The following NRCAM variants were observed in gnomAD, a reference collection of about 807,000 sequenced individuals.
NRCAM encodes NgCAM-related cell adhesion molecule.
In NRCAM, 83 loss-of-function variants were observed where a neutral mutation model predicts 156.5. That is an observed-to-expected ratio of 0.53 (90% CI 0.44 to 0.64). NRCAM has a LOEUF of 0.64. NRCAM is among the 30% of genes least tolerant of loss of function. NRCAM has a pLI of 0.00. For missense variants in NRCAM, 1,417 were observed against 1,597.3 expected (o/e 0.89, Z 1.92); for synonymous variants, 538 against 563.9 (o/e 0.95, Z 0.65).
rs373665524 is a variant in NRCAM at position 108,446,370 on chromosome 7, G to A, written c.-332+9873C>T. On this transcript the variant is annotated intron_variant, in intron 1 of 32. Coordinates refer to ENST00000379028, the MANE Select transcript of NRCAM (RefSeq NM_001037132.4). ...ATCTATGTCTTCAAACCAGGGCTGA[G>A]AACAAAACCCCCCAATTTTCCCCAA... Among the ~76,000 whole-genome samples the A allele has an allele frequency of 3.9e-5, 6 of 152,222 alleles. No homozygotes were observed. In the South Asian group the frequency reaches 1.0e-3, roughly 26 times the overall value.
At chr7:108,213,294 T>C (rs1430217399) in intron 11 of NRCAM, among the ~76,000 whole-genome samples, 1 of 152,078 alleles carries the variant, frequency 6.6e-6, no homozygotes, top group Non-Finnish European at 1.5e-5. Context: ...CAGAACCTCT[T>C]TAAAGCATAA....
Position 108,191,826 on chromosome 7 carries a change from C to T in NRCAM, c.1806G>A (p.Val602=), listed in dbSNP as rs1373182238. 1 of 1,613,592 alleles carries T rather than the reference C, an allele frequency of 6.2e-7. No individual in the cohort carries two copies. The highest frequency in any genetic ancestry group is 1.7e-5 in the Admixed American group (1 of 60,016). Residue 602 remains valine (V), a synonymous_variant, in exon 18 of 33, where the codon GTG becomes GTA. Coordinates refer to ENST00000379028, the MANE Select transcript of NRCAM (RefSeq NM_001037132.4). ...TGTCATCGTCACTGACATCAGCTAC[C>T]ACTAGATGATCCTTGTCAACAGTGA... ...ERFTVDKDHL[V]VADVSDDDSG... is the part of the protein sequence containing the mutation.
At chr7:108,197,634 G>C (rs1345209916) in intron 14 of NRCAM, among the ~76,000 whole-genome samples, 1 of 152,138 alleles carries the variant, frequency 6.6e-6, no homozygotes, top group Non-Finnish European at 1.5e-5. Flanking sequence ...TTACAACGAA[G>C]AGCAATAATA....
At chr7:108,388,276 T>C (rs186802519) in intron 2 of NRCAM, among the ~76,000 whole-genome samples, 1,751 of 152,332 alleles carry the variant, frequency 0.011, 33 homozygotes, top group African/African-American at 0.038. Flanking sequence ...TGGTATCTCA[T>C]TGTGGTTTTG....
intron 17 of NRCAM, among the ~76,000 whole-genome samples, chr7:108,193,462 G>T (rs2073313020): frequency 6.6e-6 from 1 of 152,178 alleles, no homozygotes; most frequent in Non-Finnish European, 1.5e-5. Context: ...CAAATTGAGG[G>T]TCTCATCTGG....
intron 1 of NRCAM, among the ~76,000 whole-genome samples, chr7:108,408,979 A>T (rs1161779589): frequency 3.9e-5 from 6 of 152,020 alleles, no homozygotes; most frequent in Non-Finnish European, 7.4e-5. Flanking sequence ...AGGTGAATGG[A>T]GCCCTTAAGC....
rs567559516 is a variant in NRCAM at position 108,406,435 on chromosome 7, T to C, written c.-331-6842A>G. Among the ~76,000 whole-genome samples the C allele has an allele frequency of 1.1e-4, 16 of 152,328 alleles. No homozygotes were observed. The South Asian group carries it at 3.3e-3, about 32-fold the overall frequency. ...TACAGGGATTAGGGAGTTTCTACTA[T>C]ACTTCAGCCACATTTTGTGCACATC... On this transcript the variant is annotated intron_variant, in intron 1 of 32. Transcript: ENST00000379028.
chr7:108,250,613 G>A (rs1374509659), intron 3 of NRCAM, among the ~76,000 whole-genome samples: 1 of 151,788 alleles, frequency 6.6e-6, no homozygotes, highest in African/African-American at 2.4e-5. Context: ...GGTAGTGGGA[G>A]GGTGGTTGGG....
intron 1 of NRCAM, among the ~76,000 whole-genome samples, chr7:108,428,199 A>G (rs531745641): frequency 1.3e-5 from 2 of 152,350 alleles, no homozygotes. Context: ...TATTATACAT[A>G]TAAAAACCAT....
chr7:108,308,535 A>G (rs2098752427), intron 3 of NRCAM, among the ~76,000 whole-genome samples: 1 of 152,164 alleles, frequency 6.6e-6, no homozygotes, highest in Non-Finnish European at 1.5e-5. Context: ...CTAGGCTACA[A>G]TGGGAGGAGA....
chr7:108,409,947 G>C (rs371769350), intron 1 of NRCAM, among the ~76,000 whole-genome samples: 4 of 152,086 alleles, frequency 2.6e-5, no homozygotes, highest in East Asian at 1.9e-4. Context: ...TTGAATGATT[G>C]ATTTCCCACT....
intron 1 of NRCAM, among the ~76,000 whole-genome samples, chr7:108,447,481 A>AG (rs1845757727): frequency 6.6e-6 from 1 of 151,886 alleles, no homozygotes; most frequent in African/African-American, 2.4e-5. Context: ...CATGCTGGCC[A>AG]GGGCGCTCTT....
At chr7:108,272,907 C>G (rs944696979) in intron 3 of NRCAM, among the ~76,000 whole-genome samples, 2 of 152,128 alleles carry the variant, frequency 1.3e-5, no homozygotes, top group African/African-American at 4.8e-5. Context: ...AGCCCCCCAC[C>G]TGCCAACAGG....
chr7:108,198,176 G>T, intron 13 of NRCAM, 77 bp from the exon 14 acceptor site: 2 of 1,218,970 alleles, frequency 1.6e-6, no homozygotes, highest in Non-Finnish European at 2.3e-6. Context: ...AAGTCAGTAG[G>T]ACATAAATAA....
At chr7:108,407,585 G>A (rs1326562050) in intron 1 of NRCAM, among the ~76,000 whole-genome samples, 1 of 152,170 alleles carries the variant, frequency 6.6e-6, no homozygotes, top group Admixed American at 6.5e-5. Context: ...TCACAGCCCT[G>A]CCCTCACCAT....
intron 8 of NRCAM, among the ~76,000 whole-genome samples, chr7:108,227,250 A>G (rs1332721848): frequency 1.3e-5 from 2 of 152,230 alleles, no homozygotes; most frequent in Non-Finnish European, 2.9e-5. Flanking sequence ...AGTGTCAAGC[A>G]TAATAATTTA....
rs1563146070 is a variant in NRCAM, at chr7:108,150,160, G to T, written c.3678-13C>A. The T allele has an allele frequency of 2.5e-6, 4 of 1,578,532 alleles. No individual in the cohort carries two copies. The highest frequency in any genetic ancestry group is 2.6e-6 in the Non-Finnish European group (3 of 1,167,480). ...GTCTTCTGCATCACTGGAAGAAAGA[G>T]AAAACATTTTTGTCAAGATTGGCAT... On this transcript the variant is annotated splice_polypyrimidine_tract_variant and intron_variant, in intron 32 of 32. Transcript: ENST00000379028.
At chr7:108,279,602 T>C (rs2097775847) in intron 3 of NRCAM, among the ~76,000 whole-genome samples, 1 of 151,782 alleles carries the variant, frequency 6.6e-6, no homozygotes, top group African/African-American at 2.4e-5. Flanking sequence ...CACTGTAGCC[T>C]TGACCTGCCG....
At chr7:108,241,924 A>G in intron 3 of NRCAM, among the ~76,000 whole-genome samples, 1 of 152,160 alleles carries the variant, frequency 6.6e-6, no homozygotes, top group East Asian at 1.9e-4. Flanking sequence ...CTAGCAATCA[A>G]GTTCTGATTT....
Sources: allele counts gnomAD v4.1 joint callset (sites outside exome capture counted in the v4.1 genomes callset), GRCh38; gene constraint gnomAD v4.1.1; transcripts MANE v1.5; gene names NCBI Gene and HGNC (gene_info 2026-07-23, HGNC 2026-07-21).